Variants in LIPH observed in about 807,000 individuals in gnomAD.
LIPH encodes lipase member H.
In LIPH, 32 loss-of-function variants were observed where a neutral mutation model predicts 47.6. That is an observed-to-expected ratio of 0.67 (90% CI 0.51 to 0.90). The LOEUF is 0.90. Among genes scored for constraint, LIPH ranks in the 40% least tolerant of loss-of-function variants. LIPH has a pLI of 0.00. For synonymous variants in LIPH, 190 were observed against 195.6 expected, an observed-to-expected ratio of 0.97 and a Z score of 0.24; for missense variants, 497 against 541.4, an observed-to-expected ratio of 0.92 and a Z score of 0.81.
At chr3:185,514,834 T>C (rs1158448295) in intron 7 of LIPH, among the ~76,000 whole-genome samples, 1 of 152,162 alleles carries the variant, frequency 6.6e-6, no homozygotes, top group East Asian at 1.9e-4. Context: ...TTCCTGCCCA[T>C]TTTAGACTCA....
chr3:185,525,642 C>T (rs1183067375), intron 4 of LIPH, among the ~76,000 whole-genome samples: 4 of 152,188 alleles, frequency 2.6e-5, no homozygotes, highest in South Asian at 2.1e-4. Flanking sequence ...GCTCAGAGGA[C>T]TTAAGGAACT....
intron 9 of LIPH, among the ~76,000 whole-genome samples, 173 bp downstream of exon 9, chr3:185,511,351 C>A (rs902399628): frequency 1.3e-5 from 2 of 152,186 alleles, no homozygotes; most frequent in East Asian, 3.9e-4. Flanking sequence ...AGGCTTGAGC[C>A]ACTACACTTG....
chr3:185,544,103 C>T (rs950251028), intron 1 of LIPH, among the ~76,000 whole-genome samples: 2 of 151,746 alleles, frequency 1.3e-5, no homozygotes, highest in African/African-American at 2.4e-5. Context: ...CACCTGCCTC[C>T]GCCTCCCAAA....
In LIPH at chr3:185,521,432, G is replaced by A. The variant is rs990226158; in HGVS notation, c.719-2123C>T. ...AAACCCCTCTGCTTTATTTCTGCTC[G>A]AGGGTTTAACTGGAAGCCTGGTTCT... On this transcript the variant is annotated intron_variant, in intron 5 of 9. Transcript: ENST00000296252. Among the ~76,000 whole-genome samples, 12 of 152,286 alleles carry A rather than the reference G, an allele frequency of 7.9e-5. No individual in the cohort carries two copies. The East Asian group carries it at 2.3e-3, about 29-fold the overall frequency.
chr3:185,531,156 C>T (rs183857808), intron 3 of LIPH, among the ~76,000 whole-genome samples: 70 of 152,308 alleles, frequency 4.6e-4, no homozygotes, highest in African/African-American at 1.6e-3. Context: ...CCAAACCTAG[C>T]GCTAACCAGC....
intron 2 of LIPH, 77 bp from the exon 3 acceptor site, chr3:185,533,756 T>C (rs1720414387): frequency 1.0e-6 from 1 of 960,486 alleles, no homozygotes; most frequent in African/African-American, 1.6e-5. Context: ...TCCTGGCTGT[T>C]GACTTTGGAG....
chr3:185,521,470 C>A (rs529058558), intron 5 of LIPH, among the ~76,000 whole-genome samples: 1 of 152,294 alleles, frequency 6.6e-6, no homozygotes, highest in Admixed American at 6.5e-5. Flanking sequence ...TGAGCTTCCT[C>A]GGTCTGGTAC....
Position 185,538,282 on chromosome 3 carries a change from A to G in LIPH, c.50-3150T>C, listed in dbSNP as rs1014859352. Among the ~76,000 whole-genome samples the G allele has an allele frequency of 3.9e-5, 6 of 152,356 alleles. No individual in the cohort carries two copies. In the East Asian group the frequency reaches 1.2e-3, roughly 29 times the overall value. On this transcript the variant is annotated intron_variant, in intron 1 of 9. Transcript: ENST00000296252. ...AATATGTGCAATTCATTCCAAAAGA[A>G]TCTACTCTATCCTAGATTCTATGTC... is the stretch of plus-strand genomic sequence containing the variant.
At chr3:185,514,637 C>T (rs1719670671) in intron 7 of LIPH, 116 bp from the exon 8 acceptor site, 1 of 712,140 alleles carries the variant, frequency 1.4e-6, no homozygotes, top group Admixed American at 2.0e-5. Context: ...CTCTTTCTCT[C>T]TGGTTTCTCT....
At chr3:185,509,297 A>G (rs1719480608) in intron 9 of LIPH, among the ~76,000 whole-genome samples, 1 of 149,100 alleles carries the variant, frequency 6.7e-6, no homozygotes, top group East Asian at 1.9e-4. Context: ...AAAAAAAAAG[A>G]AAGAAAATGC....
intron 5 of LIPH, among the ~76,000 whole-genome samples, chr3:185,520,360 A>C (rs895590315): frequency 1.3e-5 from 2 of 152,034 alleles, no homozygotes; most frequent in African/African-American, 4.8e-5. Context: ...CTCTACTAAA[A>C]ATACAAAAAT....
rs775881352 is a variant in LIPH at position 185,508,856 on chromosome 3, A to T, written c.1290T>A (p.Asp430Glu). ...TTTCAACGTTTTCCATCAGGACAAG[A>T]TCATACCGACACAGCTGAGGCCTGG... The part of the protein sequence containing the change: ...HPERPQLCRY[D>E]LVLMENVETV... Residue 430 changes from aspartate to glutamate, a missense_variant, in exon 10 of 10, where the codon GAT becomes GAA. Physicochemically the swap from Asp to Glu is conservative, Grantham distance 45. Coordinates refer to ENST00000296252, the MANE Select transcript of LIPH (RefSeq NM_139248.3). The T allele has an allele frequency of 6.2e-7, 1 of 1,613,484 alleles. No homozygotes were observed. The highest frequency in any genetic ancestry group is 1.7e-5 in the Admixed American group (1 of 60,018).
intron 7 of LIPH, among the ~76,000 whole-genome samples, chr3:185,516,067 G>A (rs756789687): frequency 1.3e-5 from 2 of 152,218 alleles, no homozygotes; most frequent in African/African-American, 2.4e-5. Flanking sequence ...CCAGGAGGTT[G>A]AGGCTGCAGT....
Position 185,539,746 on chromosome 3 carries a change from T to C in LIPH, c.50-4614A>G, listed in dbSNP as rs567009703. On this transcript the variant is annotated intron_variant, in intron 1 of 9. Transcript: ENST00000296252. Reference sequence around the variant, plus strand: ...CCACTCTCAGATCCTTTAAAAAAGATAAATGAGTATATCTATTAACATTTA... The same window carrying C: ...CCACTCTCAGATCCTTTAAAAAAGACAAATGAGTATATCTATTAACATTTA... 3.3e-5 allele frequency among the ~76,000 whole-genome samples: 5 copies of C among 152,364 alleles called. No individual in the cohort carries two copies. In the South Asian group the frequency reaches 8.3e-4, roughly 25 times the overall value.
chr3:185,544,604 C>G lies in LIPH; in HGVS notation c.49+7819G>C, dbSNP rs1167972787. ...TCCTGACCTCAGGTGATCCTCCTGCCTCAGCTGCCCAAGGTGCTGGGATTA... is the reference window on the plus strand; with the variant it reads ...TCCTGACCTCAGGTGATCCTCCTGCGTCAGCTGCCCAAGGTGCTGGGATTA... On this transcript the variant is annotated intron_variant, in intron 1 of 9. Coordinates refer to ENST00000296252, the MANE Select transcript of LIPH (RefSeq NM_139248.3). Among the ~76,000 whole-genome samples the G allele has an allele frequency of 2.6e-5, 4 of 152,184 alleles. No homozygotes were observed. The East Asian group carries it at 7.7e-4, about 29-fold the overall frequency.
intron 3 of LIPH, 123 bp downstream of exon 3, chr3:185,533,448 A>G (rs1720398558): frequency 2.6e-6 from 2 of 761,950 alleles, no homozygotes; most frequent in African/African-American, 3.4e-5. Flanking sequence ...AATGACCCAC[A>G]CTCAGAGAGG....
chr3:185,519,833 T>A (rs2148950567), intron 5 of LIPH, among the ~76,000 whole-genome samples: 1 of 54,820 alleles, frequency 1.8e-5, no homozygotes, highest in Non-Finnish European at 2.9e-5. Context: ...TGACACTCCA[T>A]CTCAAAAAAA....
intron 3 of LIPH, among the ~76,000 whole-genome samples, chr3:185,532,440 G>C (rs917818207): frequency 2.6e-5 from 4 of 151,942 alleles, no homozygotes; most frequent in Admixed American, 6.6e-5. Context: ...TGCCTGGGGG[G>C]GCGTTGAGGC....
chr3:185,529,960 AAGAAGGAAAGAAAGAAAG>A (rs756275293), intron 3 of LIPH, among the ~76,000 whole-genome samples: 2,881 of 60,570 alleles, frequency 0.048, 76 homozygotes, highest in Middle Eastern at 0.059. Context: ...GAAAGAAAGA[AAGAAGGAAAGAAAGAAAG>A]AGAGAGAGAG....
Sources: allele counts gnomAD v4.1 joint callset (sites outside exome capture counted in the v4.1 genomes callset), GRCh38; gene constraint gnomAD v4.1.1; transcripts MANE v1.5; gene names NCBI Gene and HGNC (gene_info 2026-07-23, HGNC 2026-07-21).